The following CCDC150 variants were observed in gnomAD, a reference collection of about 807,000 sequenced individuals.
CCDC150 encodes the protein coiled-coil domain containing 150, also known as coiled-coil domain-containing protein 150.
CCDC150 carries 151 observed loss-of-function variants against 156.5 expected under a neutral mutation model. The ratio of observed to expected loss-of-function variants is 0.97; its 90% CI spans 0.85 to 1.10. The LOEUF (loss-of-function observed/expected upper bound fraction) is 1.10, where lower values mean the gene tolerates loss of function less well. Ranked by LOEUF, CCDC150 falls within the 50% of genes least tolerant of loss-of-function variation. The probability of loss-of-function intolerance (pLI) is 0.00; values close to 1 mark genes in which losing one functional copy is unlikely to be tolerated. For missense variants in CCDC150, 1,312 were observed against 1,268.1 expected (o/e 1.03, Z -0.53); for synonymous variants, 452 against 429.4 (o/e 1.05, Z -0.65).
chr2:196,726,055 G>A lies in CCDC150; in HGVS notation c.2512G>A (p.Glu838Lys), dbSNP rs1265761852. 3.1e-6 allele frequency: 5 copies of A among 1,612,670 alleles called. No individual in the cohort carries two copies. Among genetic ancestry groups the A allele is most frequent in the East Asian group, 4.5e-5 (2 of 44,852 alleles). ...IEALRKQFQT[E>K]RETTKKVAQR... ...AGCTCTAAGAAAGCAGTTTCAAACC[G>A]AGAGAGAAACTACAAAGAAAGTGGC... Residue 838 changes from glutamate to lysine, a missense_variant, in exon 22 of 28, where the codon GAG (glutamate) becomes AAG (lysine). Physicochemically the swap from Glu to Lys is moderately conservative, Grantham distance 56 (BLOSUM62 1). Coordinates refer to ENST00000389175, the MANE Select transcript of CCDC150 (RefSeq NM_001080539.2).
chr2:196,671,395 C>T (rs1327518592), intron 8 of CCDC150, among the ~76,000 whole-genome samples: 3 of 146,750 alleles, frequency 2.0e-5, no homozygotes, highest in Non-Finnish European at 4.5e-5. Context: ...CTTTTCATGG[C>T]TTGATAGCAC....
In CCDC150 at chr2:196,719,613, A is replaced by G; in HGVS notation, c.2112A>G (p.Val704=). 1 of 1,613,428 alleles carries G rather than the reference A, an allele frequency of 6.2e-7. No homozygotes were observed. The highest frequency in any genetic ancestry group is 8.5e-7 in the Non-Finnish European group (1 of 1,179,648). ...HSKMQGALEK[V]QIELGRRDSE... ...AGATGCAAGGTGCTCTGGAGAAAGT[A>G]CAAATAGAGCTTGGGCGGAGGGATT... The change falls in exon 19 of 28, where the codon GTA becomes GTG. Residue 704 remains valine, a synonymous_variant. Transcript: ENST00000389175.
In CCDC150 at chr2:196,659,101, G is replaced by C. The variant is rs552240470; in HGVS notation, c.645+241G>C. 1.9e-3 allele frequency among the ~76,000 whole-genome samples: 284 copies of C among 152,216 alleles called. 4 individuals are homozygous for C. The highest frequency in any genetic ancestry group is 2.3e-3 in the Non-Finnish European group (154 of 68,002). The stretch of plus-strand genomic sequence containing the variant: ...TAAAAAATAAATGCTTTGTGAACCA[G>C]GAAGGAATAGTTACCACTCGTGGCT... On this transcript the variant is annotated intron_variant, in intron 5 of 27. Transcript: ENST00000389175.
intron 13 of CCDC150, among the ~76,000 whole-genome samples, chr2:196,679,124 A>G: frequency 6.6e-6 from 1 of 152,332 alleles, no homozygotes; most frequent in Middle Eastern, 3.4e-3. Context: ...TTTTTAAAAT[A>G]TGTGTTCTTT....
chr2:196,676,336 G>A (rs747587586), intron 11 of CCDC150, 69 bp downstream of exon 11: 45 of 1,555,544 alleles, frequency 2.9e-5, no homozygotes, highest in Non-Finnish European at 3.3e-5. Flanking sequence ...TCATGTGTCC[G>A]TCTCAGTCTT....
At chr2:196,703,818 A>T (rs1009513543) in intron 15 of CCDC150, among the ~76,000 whole-genome samples, 4 of 152,226 alleles carry the variant, frequency 2.6e-5, no homozygotes, top group Admixed American at 2.0e-4. Context: ...CAATCTTAGA[A>T]ATTATCCAGA....
chr2:196,723,841 G>A (rs556018847), intron 21 of CCDC150, among the ~76,000 whole-genome samples: 3 of 152,322 alleles, frequency 2.0e-5, no homozygotes, highest in African/African-American at 7.2e-5. Context: ...AGTGATTGAT[G>A]AGGAAAGGCA....
At chr2:196,720,478 G>T in intron 19 of CCDC150, 97 bp from the exon 20 acceptor site, 1 of 862,612 alleles carries the variant, frequency 1.2e-6, no homozygotes. Context: ...GATGCTATTT[G>T]AGCTTCTTAG....
At chr2:196,662,860 T>C (rs992770937) in intron 5 of CCDC150, among the ~76,000 whole-genome samples, 5 of 148,336 alleles carry the variant, frequency 3.4e-5, no homozygotes, top group African/African-American at 1.2e-4. Flanking sequence ...CACTTGAGCC[T>C]GGGAGGTCGA....
At chr2:196,646,968 A>AT (rs899369554) in intron 2 of CCDC150, among the ~76,000 whole-genome samples, 2 of 152,076 alleles carry the variant, frequency 1.3e-5, no homozygotes, top group Non-Finnish European at 2.9e-5. Flanking sequence ...CTAAAAAACA[A>AT]TTTTTTTCCC....
intron 21 of CCDC150, among the ~76,000 whole-genome samples, chr2:196,725,098 G>A (rs1298928781): frequency 6.6e-6 from 1 of 152,148 alleles, no homozygotes; most frequent in East Asian, 1.9e-4. Context: ...TTAGAGACAC[G>A]TGGAGAACAT....
intron 9 of CCDC150, among the ~76,000 whole-genome samples, chr2:196,673,636 A>G (rs1363365141): frequency 1.3e-5 from 2 of 152,170 alleles, no homozygotes; most frequent in African/African-American, 2.4e-5. Flanking sequence ...TCTTTGCCAA[A>G]TCTACCTTGC....
At chr2:196,668,513 CAAT>C (rs1189215862) in intron 7 of CCDC150, among the ~76,000 whole-genome samples, 5 of 151,998 alleles carry the variant, frequency 3.3e-5, no homozygotes, top group African/African-American at 1.2e-4. Flanking sequence ...ATTAAAACAA[CAAT>C]AATTCAAACT....
chr2:196,712,215 G>C lies in CCDC150; in HGVS notation c.1766G>C (p.Arg589Pro). The stretch of plus-strand genomic sequence containing the variant: ...ACCAGCTTACAGAATGATCATCTAC[G>C]CAAGATGAATAAGTATTTACAGACT... ...TDTSLQNDHL[R>P]KMNKYLQTKY... The change falls in exon 16 of 28, where the codon CGC becomes CCC. Residue 589 changes from arginine (R) to proline (P), a missense_variant. By Grantham distance (103) the Arg-to-Pro change is moderately radical (BLOSUM62 -2). Coordinates refer to ENST00000389175, the MANE Select transcript of CCDC150 (RefSeq NM_001080539.2). The C allele has an allele frequency of 6.4e-7, 1 of 1,572,252 alleles. No homozygotes were observed. The highest frequency in any genetic ancestry group is 8.7e-7 in the Non-Finnish European group (1 of 1,153,836).
At chr2:196,652,639 G>T (rs1023110197) in intron 2 of CCDC150, among the ~76,000 whole-genome samples, 1 of 152,198 alleles carries the variant, frequency 6.6e-6, no homozygotes, top group Non-Finnish European at 1.5e-5. Flanking sequence ...TGTCCTTCTG[G>T]GGTCTGGAGA....
intron 2 of CCDC150, among the ~76,000 whole-genome samples, chr2:196,653,018 G>A (rs571086023): frequency 6.8e-4 from 104 of 152,368 alleles, no homozygotes; most frequent in African/African-American, 2.4e-3. Flanking sequence ...GTGCAGGGTG[G>A]TGACACCAAG....
chr2:196,718,620 G>A lies in CCDC150; in HGVS notation c.1984G>A (p.Glu662Lys). ...KEDLEAVEDR[E>K]NKKVGNFQRQ... ...AGACCTCGAGGCTGTGGAGGACAGG[G>A]AAAACAAGAAGGCAAGGAATCAGTC... is the stretch of plus-strand genomic sequence containing the variant. The change falls in exon 18 of 28, where the codon GAA (glutamate) becomes AAA (lysine). Residue 662 changes from glutamate (E) to lysine (K), a missense_variant. Glu to Lys is a moderately conservative substitution (Grantham distance 56). Transcript: ENST00000389175. 6.2e-7 allele frequency: 1 copy of A among 1,613,328 alleles called. No individual in the cohort carries two copies. The highest frequency in any genetic ancestry group is 8.5e-7 in the Non-Finnish European group (1 of 1,179,504).
chr2:196,656,014 A>C (rs1693165733), intron 2 of CCDC150, among the ~76,000 whole-genome samples: 1 of 152,152 alleles, frequency 6.6e-6, no homozygotes, highest in Admixed American at 6.5e-5. Flanking sequence ...GTACATTGGC[A>C]ACCCCTTCCA....
At chr2:196,677,459 C>A in intron 13 of CCDC150, 98 bp downstream of exon 13, 1 of 787,626 alleles carries the variant, frequency 1.3e-6, no homozygotes, top group South Asian at 1.7e-5. Context: ...CTGATGAATA[C>A]CAAGCTGCAG....
Sources: allele counts gnomAD v4.1 joint callset (sites outside exome capture counted in the v4.1 genomes callset), GRCh38; gene constraint gnomAD v4.1.1; transcripts MANE v1.5; gene names NCBI Gene and HGNC (gene_info 2026-07-23, HGNC 2026-07-21).